KIAA0319L: variants seen among roughly 807,000 people sequenced by gnomAD.
KIAA0319L encodes dyslexia-associated protein KIAA0319-like protein.
A neutral mutation model predicts 120.1 loss-of-function variants in KIAA0319L; 55 were observed. The ratio of observed to expected loss-of-function variants is 0.46; its 90% confidence interval spans 0.37 to 0.57. The LOEUF is 0.57. Ranked by LOEUF, KIAA0319L falls within the 20% of genes least tolerant of loss-of-function variation. KIAA0319L has a pLI of 0.00. For missense variants in KIAA0319L, 1,049 were observed against 1,255.3 expected, an observed-to-expected ratio of 0.84 and a Z score of 2.48; for synonymous variants, 398 against 471.9, an observed-to-expected ratio of 0.84 and a Z score of 2.03.
chr1:35,491,180 A>C (rs1038531357), intron 3 of KIAA0319L, among the ~76,000 whole-genome samples: 1 of 152,256 alleles, frequency 6.6e-6, no homozygotes, highest in Non-Finnish European at 1.5e-5. Context: ...AAACTACTCA[A>C]AATGAAACAC....
chr1:35,525,105 T>C (rs1646071241), intron 2 of KIAA0319L, among the ~76,000 whole-genome samples: 1 of 152,180 alleles, frequency 6.6e-6, no homozygotes, highest in Admixed American at 6.5e-5. Flanking sequence ...TATGCAATAT[T>C]TGCCTACGTC....
At chr1:35,529,574 G>A (rs192555290) in intron 2 of KIAA0319L, among the ~76,000 whole-genome samples, 2 of 152,322 alleles carry the variant, frequency 1.3e-5, no homozygotes, top group Non-Finnish European at 2.9e-5. Context: ...AACTTCACTA[G>A]GTACAGTATC....
At chr1:35,482,499 G>A (rs905921843) in intron 3 of KIAA0319L, among the ~76,000 whole-genome samples, 4 of 149,076 alleles carry the variant, frequency 2.7e-5, no homozygotes, top group African/African-American at 9.9e-5. Flanking sequence ...GCGCAATCTC[G>A]GTTCACCACA....
At position 35,539,355 on chromosome 1, in the gene KIAA0319L, G is replaced by A. The variant is rs139212321; in HGVS notation, c.142+14995C>T. On this transcript the variant is annotated intron_variant, in intron 2 of 20. Coordinates refer to ENST00000325722, the MANE Select transcript of KIAA0319L (RefSeq NM_024874.5). ...ATCCTGAGCAAATAACCCTGTTCCA[G>A]GTCTGCAGACCTCAGGTCAGGGGCC... 2.6e-5 allele frequency among the ~76,000 whole-genome samples: 4 copies of A among 152,308 alleles called. No individual in the cohort carries two copies. In the East Asian group the frequency reaches 7.7e-4, roughly 29 times the overall value.
chr1:35,542,005 A>G (rs1204990429), intron 2 of KIAA0319L, among the ~76,000 whole-genome samples: 2 of 152,206 alleles, frequency 1.3e-5, no homozygotes, highest in African/African-American at 4.8e-5. Flanking sequence ...ACTTTCCCCA[A>G]TAATACAGAA....
rs1250466981 is a variant in KIAA0319L at position 35,435,032 on chromosome 1, C to T, written c.3012G>A (p.Glu1004=). The T allele has an allele frequency of 1.9e-6, 3 of 1,614,086 alleles. No individual in the cohort carries two copies. The highest frequency in any genetic ancestry group is 2.7e-5 in the African/African-American group (2 of 74,926). The change falls in exon 21 of 21, where the codon GAG becomes GAA. Residue 1004 remains glutamate, a synonymous_variant. Coordinates refer to ENST00000325722, the MANE Select transcript of KIAA0319L (RefSeq NM_024874.5). The part of the protein sequence containing the change: ...LLLSSSLMHS[E]SELDSDDAIF... The stretch of plus-strand genomic sequence containing the variant: ...TGGCATCATCGCTGTCCAGCTCTGA[C>T]TCGGAGTGCATCAGGCTGCTACTTA...
intron 7 of KIAA0319L, among the ~76,000 whole-genome samples, chr1:35,464,109 T>C (rs1017095008): frequency 6.6e-6 from 1 of 152,136 alleles, no homozygotes; most frequent in Non-Finnish European, 1.5e-5. Context: ...ACACAGTAAA[T>C]TGGTACCAGT....
intron 20 of KIAA0319L, 141 bp downstream of exon 20, chr1:35,440,906 C>T: frequency 1.3e-6 from 1 of 754,272 alleles, no homozygotes. Flanking sequence ...ATCTGACCCT[C>T]AGTCTTCATC....
At chr1:35,557,630 C>T (rs1300338931), upstream of KIAA0319L, 1 of 455,162 alleles carries the variant, frequency 2.2e-6, no homozygotes, top group East Asian at 6.9e-5. Flanking sequence ...CGCTCGAGCC[C>T]CAGCCCCCAG....
At position 35,453,797 on chromosome 1, in the gene KIAA0319L, C is replaced by G; in HGVS notation, c.1781-108G>C. 9.4e-7 allele frequency: 1 copy of G among 1,064,256 alleles called. No individual in the cohort carries two copies. The highest frequency in any genetic ancestry group is 1.3e-6 in the Non-Finnish European group (1 of 745,886). The allele number at this position is 1,064,256 out of a possible 1,614,324, so 65.9% of individuals were successfully genotyped here. On this transcript the variant is annotated intron_variant, in intron 11 of 20. Coordinates refer to ENST00000325722, the MANE Select transcript of KIAA0319L (RefSeq NM_024874.5). The surrounding 1 kb of genome is among the most constrained non-coding windows in gnomAD (Gnocchi z 4.1). ...GCCATGGACTCTGCCTCTCAGGCCA[C>G]AGAACTGTCAGATACTGTGGGAGAT... is the stretch of plus-strand genomic sequence containing the variant.
intron 2 of KIAA0319L, among the ~76,000 whole-genome samples, chr1:35,524,154 C>T (rs934225602): frequency 5.9e-5 from 9 of 151,996 alleles, no homozygotes; most frequent in Admixed American, 3.3e-4. Flanking sequence ...GATTTAGACT[C>T]GGGGAAATAG....
At chr1:35,495,234 G>A (rs1432285801) in intron 3 of KIAA0319L, among the ~76,000 whole-genome samples, 1 of 151,954 alleles carries the variant, frequency 6.6e-6, no homozygotes, top group Admixed American at 6.6e-5. Context: ...TTAACCAGGC[G>A]TGGTGGTGCA....
At chr1:35,448,443 T>C (rs1473033882) in intron 15 of KIAA0319L, 111 bp from the exon 16 acceptor site, 4 of 1,036,714 alleles carry the variant, frequency 3.9e-6, no homozygotes, top group Non-Finnish European at 5.7e-6. Context: ...CATTCAGATA[T>C]CCTTCAAATG....
chr1:35,547,355 CTATT>C (rs1455678746), intron 2 of KIAA0319L, among the ~76,000 whole-genome samples: 2 of 150,136 alleles, frequency 1.3e-5, no homozygotes, highest in African/African-American at 4.9e-5. Flanking sequence ...AGCAATTGTA[CTATT>C]TATATGTAAA....
intron 7 of KIAA0319L, among the ~76,000 whole-genome samples, chr1:35,466,031 C>G (rs776948124): frequency 2.8e-4 from 43 of 152,094 alleles, no homozygotes; most frequent in Non-Finnish European, 4.0e-4. Context: ...TTTATCAGCA[C>G]CATGAAAATG....
chr1:35,470,963 A>G lies in KIAA0319L; in HGVS notation c.1016-3T>C. On this transcript the variant is annotated splice_polypyrimidine_tract_variant and splice_region_variant and intron_variant, in intron 5 of 20. Coordinates refer to ENST00000325722, the MANE Select transcript of KIAA0319L (RefSeq NM_024874.5). Reference sequence around the variant, plus strand: ...CCAGTCGTAGGTGTAGGTTTCTCCTATAGAAGGGCAGTTACAAAAATCATG... The same window carrying G: ...CCAGTCGTAGGTGTAGGTTTCTCCTGTAGAAGGGCAGTTACAAAAATCATG... The G allele has an allele frequency of 6.4e-7, 1 of 1,563,824 alleles. No homozygotes were observed. Among genetic ancestry groups the G allele is most frequent in the African/African-American group, 1.4e-5 (1 of 73,984 alleles).
intron 20 of KIAA0319L, 73 bp downstream of exon 20, chr1:35,440,974 G>A (rs1641165717): frequency 1.8e-6 from 2 of 1,135,256 alleles, no homozygotes; most frequent in Non-Finnish European, 2.7e-6. Context: ...ACACACTCAG[G>A]AGGGGCTAGT....
chr1:35,503,242 A>G (rs1047299981), intron 3 of KIAA0319L, among the ~76,000 whole-genome samples: 5 of 152,218 alleles, frequency 3.3e-5, no homozygotes, highest in Non-Finnish European at 7.3e-5. Context: ...TACCCAGTAT[A>G]TAAACCCACC....
intron 9 of KIAA0319L, among the ~76,000 whole-genome samples, chr1:35,459,556 C>G (rs1642739805): frequency 6.6e-6 from 1 of 151,004 alleles, no homozygotes; most frequent in African/African-American, 2.4e-5. Flanking sequence ...GAAATCACGC[C>G]ACTGCACCCC....
Sources: gnomAD v4.1 joint callset for allele counts (sites outside exome capture counted in the v4.1 genomes callset) on GRCh38, gnomAD v4.1.1 for gene constraint, Gnocchi (gnomAD v3.1) non-coding constraint, MANE v1.5 for transcripts, NCBI Gene and HGNC (gene_info 2026-07-23, HGNC 2026-07-21) for gene names.